BMPR1A: variants seen among roughly 807,000 people sequenced by gnomAD.
BMPR1A encodes bone morphogenetic protein receptor type 1A.
BMPR1A carries 7 observed loss-of-function variants against 66.0 expected under a neutral mutation model. That is an observed-to-expected ratio of 0.11 (90% CI 0.06 to 0.20). BMPR1A has a LOEUF of 0.20. Among genes scored for constraint, BMPR1A ranks in the 10% least tolerant of loss-of-function variants. The probability of loss-of-function intolerance (pLI) is 1.00; values close to 1 mark genes in which losing one functional copy is unlikely to be tolerated. For missense variants in BMPR1A, 408 were observed against 669.1 expected (o/e 0.61, Z 4.31); for synonymous variants, 200 against 229.7 (o/e 0.87, Z 1.17).
At chr10:86,859,378 A>G (rs911075133) in intron 2 of BMPR1A, among the ~76,000 whole-genome samples, 2 of 151,986 alleles carry the variant, frequency 1.3e-5, no homozygotes, top group African/African-American at 4.8e-5. Flanking sequence ...TACATTGCCC[A>G]GGCTGGTCTC....
intron 2 of BMPR1A, among the ~76,000 whole-genome samples, chr10:86,866,467 G>A (rs1233318399): frequency 1.5e-5 from 2 of 137,526 alleles, no homozygotes; most frequent in Non-Finnish European, 3.0e-5. Flanking sequence ...GGAGTGCAGT[G>A]GTGTGATCTT....
chr10:86,845,575 A>G (rs563028998), intron 2 of BMPR1A, among the ~76,000 whole-genome samples: 1 of 152,164 alleles, frequency 6.6e-6, no homozygotes, highest in Non-Finnish European at 1.5e-5. Flanking sequence ...CACAGTGCGG[A>G]GAGGGGTGAG....
chr10:86,877,849 C>T (rs771283503), intron 3 of BMPR1A, among the ~76,000 whole-genome samples: 15 of 152,098 alleles, frequency 9.9e-5, no homozygotes, highest in Non-Finnish European at 2.1e-4. Flanking sequence ...TTAGATCACA[C>T]GTAGGCAATA....
intron 1 of BMPR1A, among the ~76,000 whole-genome samples, chr10:86,821,600 C>A (rs1842121003): frequency 6.6e-6 from 1 of 152,002 alleles, no homozygotes; most frequent in African/African-American, 2.4e-5. Flanking sequence ...TACAGGAGAC[C>A]ATTAACTTCA....
intron 1 of BMPR1A, among the ~76,000 whole-genome samples, chr10:86,816,415 C>T (rs980152330): frequency 6.6e-6 from 1 of 151,956 alleles, no homozygotes; most frequent in African/African-American, 2.4e-5. Flanking sequence ...CAGCACTGAC[C>T]CCTACCTTAG....
At chr10:86,921,042 C>A (rs1433538525) in intron 10 of BMPR1A, among the ~76,000 whole-genome samples, 1 of 151,902 alleles carries the variant, frequency 6.6e-6, no homozygotes, top group Non-Finnish European at 1.5e-5. Flanking sequence ...TTTATAGAGA[C>A]AGTGTTTTAC....
chr10:86,888,916 T>C (rs1288584126), intron 3 of BMPR1A, among the ~76,000 whole-genome samples: 2 of 151,842 alleles, frequency 1.3e-5, no homozygotes, highest in Admixed American at 1.3e-4. Flanking sequence ...CTGTTACCTG[T>C]GTGTGCATAT....
Position 86,906,723 on chromosome 10 carries a change from C to CAAAAAAAAAAA in BMPR1A, c.531-5488_531-5478dup. ...TGGGCGACAGAGTGAGACTCCGTCT[C>CAAAAAAAAAAA]AAAAAAAAAAAAAAAAAAAAAAAAA... is the stretch of plus-strand genomic sequence containing the variant. On this transcript the variant is annotated intron_variant, in intron 7 of 12. Coordinates refer to ENST00000372037, the MANE Select transcript of BMPR1A (RefSeq NM_004329.3). 3.8e-3 allele frequency among the ~76,000 whole-genome samples: 41 copies of CAAAAAAAAAAA among 10,696 alleles called. 11 individuals carry two copies. The highest frequency in any genetic ancestry group is 4.0e-3 in the Non-Finnish European group (34 of 8,570). The allele number at this position is 10,696 out of a possible 152,430, so 7.0% of individuals were successfully genotyped here. A position where few individuals can be genotyped will look rare whatever the true frequency, so the allele number is the denominator to read the frequency against.
chr10:86,827,888 TTACACCTA>T (rs1346891635), intron 1 of BMPR1A, among the ~76,000 whole-genome samples: 4 of 152,276 alleles, frequency 2.6e-5, no homozygotes, highest in South Asian at 2.1e-4. Context: ...GCACGGTGGT[TTACACCTA>T]TAATCCCAGC....
At chr10:86,922,041 C>T (rs1356673238) in intron 11 of BMPR1A, among the ~76,000 whole-genome samples, 1 of 149,514 alleles carries the variant, frequency 6.7e-6, no homozygotes, top group East Asian at 1.9e-4. Flanking sequence ...ACTTATTAAA[C>T]ATCCCCCCCC....
rs577114056 is a variant in BMPR1A at position 86,927,958 on chromosome 10, T to C, written c.*4239T>C. ...TGTATCATTTTGAAGTAAATAACCT[T>C]ATTTTAGTATACTTTAGTGATGTGT... is the stretch of plus-strand genomic sequence containing the variant. On this transcript the variant is annotated 3_prime_UTR_variant, in exon 13 of 13. Transcript: ENST00000372037. The C allele has an allele frequency of 2.2e-5, 4 of 180,636 alleles. No homozygotes were observed. The South Asian group carries it at 7.9e-4, about 36-fold the overall frequency. 11.2% of individuals were successfully genotyped at this position (180,636 alleles called of 1,614,324 possible).
At chr10:86,786,276 C>A (rs1017426302) in intron 1 of BMPR1A, among the ~76,000 whole-genome samples, 8 of 152,172 alleles carry the variant, frequency 5.3e-5, no homozygotes, top group African/African-American at 1.7e-4. Flanking sequence ...TCTCTGAACT[C>A]CATTTTTCCT....
chr10:86,923,718 G>A lies in BMPR1A; in HGVS notation c.1598G>A (p.Ter533=), dbSNP rs1589293712. ...GTTGAATCCCAAGATGTAAAAATCT[G>A]ATGGTTAAACCATCGGAGGAGAAAC... The part of the protein sequence containing the change: ...KMVESQDVKI[*] Residue 533 remains the stop codon, a stop_retained_variant, in exon 13 of 13, where the codon TGA becomes TAA. Transcript: ENST00000372037. 1 of 1,613,388 alleles carries A rather than the reference G, an allele frequency of 6.2e-7. No individual in the cohort carries two copies. Among genetic ancestry groups the A allele is most frequent in the Non-Finnish European group, 8.5e-7 (1 of 1,180,016 alleles).
intron 1 of BMPR1A, among the ~76,000 whole-genome samples, chr10:86,801,552 G>T (rs1841810977): frequency 6.6e-6 from 1 of 151,906 alleles, no homozygotes; most frequent in Non-Finnish European, 1.5e-5. Context: ...CCTGTTTTTG[G>T]TTCATTCCTA....
At chr10:86,757,245 C>T (rs866957218) in intron 1 of BMPR1A, among the ~76,000 whole-genome samples, 10 of 152,288 alleles carry the variant, frequency 6.6e-5, no homozygotes, top group African/African-American at 2.4e-4. Flanking sequence ...CGCTCACCTC[C>T]CCGCCCCGGA....
In BMPR1A at chr10:86,926,902, G is replaced by A. The variant is rs939077535; in HGVS notation, c.*3183G>A. 2 of 193,546 alleles carry A rather than the reference G, an allele frequency of 1.0e-5. No individual in the cohort carries two copies. The highest frequency in any genetic ancestry group is 3.9e-4 in the South Asian group (2 of 5,182). 12.0% of individuals were successfully genotyped at this position (193,546 alleles called of 1,614,324 possible). The stretch of plus-strand genomic sequence containing the variant: ...TAGCTCTAGGATTAAAGGCACATTA[G>A]GGTTTCCTTCAGTTTGTTTATTCTA... On this transcript the variant is annotated 3_prime_UTR_variant, in exon 13 of 13. Coordinates refer to ENST00000372037, the MANE Select transcript of BMPR1A (RefSeq NM_004329.3).
intron 5 of BMPR1A, among the ~76,000 whole-genome samples, chr10:86,895,190 T>C (rs1479894650): frequency 6.6e-6 from 1 of 152,246 alleles, no homozygotes; most frequent in African/African-American, 2.4e-5. Context: ...TAATTTTCGA[T>C]GATAGGATCT....
intron 8 of BMPR1A, among the ~76,000 whole-genome samples, chr10:86,913,289 ATTTTTTTTTT>A (rs36002213): frequency 8.4e-6 from 1 of 119,076 alleles, no homozygotes; most frequent in East Asian, 2.7e-4. Flanking sequence ...CACCAGGCTA[ATTTTTTTTTT>A]TTTTTTTTTT....
At chr10:86,857,815 C>T (rs780344116) in intron 2 of BMPR1A, among the ~76,000 whole-genome samples, 2 of 111,516 alleles carry the variant, frequency 1.8e-5, no homozygotes, top group East Asian at 3.7e-4. Flanking sequence ...TTACTTTATT[C>T]GTTTCTTTTT....
Sources: allele counts gnomAD v4.1 joint callset (sites outside exome capture counted in the v4.1 genomes callset), GRCh38; gene constraint gnomAD v4.1.1; transcripts MANE v1.5; gene names NCBI Gene and HGNC (gene_info 2026-07-23, HGNC 2026-07-21).